SORCS3: variants seen among roughly 807,000 people sequenced by gnomAD.
SORCS3 encodes the protein sortilin related VPS10 domain containing receptor 3.
A neutral mutation model predicts 146.3 loss-of-function variants in SORCS3; 57 were observed. The observed-to-expected ratio is 0.39, with a 90% CI of 0.31 to 0.49. SORCS3 has a LOEUF of 0.49. Ranked by LOEUF, SORCS3 falls within the 20% of genes least tolerant of loss-of-function variation. The pLI is 0.92. For synonymous variants in SORCS3, 653 were observed against 618.5 expected (o/e 1.06, Z -0.83); for missense variants, 1,341 against 1,575.5 (o/e 0.85, Z 2.52).
chr10:104,803,455 C>T (rs533340909), intron 1 of SORCS3, among the ~76,000 whole-genome samples: 1 of 152,172 alleles, frequency 6.6e-6, no homozygotes. Flanking sequence ...GAGCACTGAG[C>T]ATTGGGATTC....
intron 2 of SORCS3, among the ~76,000 whole-genome samples, chr10:104,888,081 G>A (rs61867322): frequency 0.36 from 54,653 of 151,046 alleles, 12,969 homozygotes; most frequent in African/African-American, 0.68. Flanking sequence ...TCTCCCCTTG[G>A]ACCTCTTTTC....
At chr10:104,724,948 G>A (rs2016605829) in intron 1 of SORCS3, among the ~76,000 whole-genome samples, 1 of 152,154 alleles carries the variant, frequency 6.6e-6, no homozygotes, top group Non-Finnish European at 1.5e-5. Flanking sequence ...GGAGTAGTTT[G>A]ATAATCTGAA....
intron 3 of SORCS3, among the ~76,000 whole-genome samples, chr10:104,930,404 C>T (rs1209549434): frequency 1.3e-5 from 2 of 152,140 alleles, no homozygotes; most frequent in Non-Finnish European, 2.9e-5. Flanking sequence ...TACCATGACC[C>T]TCTAGAACAT....
chr10:104,641,964 C>A lies in SORCS3; in HGVS notation c.627+10C>A. The stretch of plus-strand genomic sequence containing the variant: ...GGGACACAACAGCAGCGTGAGTACC[C>A]ACCCGGCGGCGGGTCCGCCTGTTTC... On this transcript the variant is annotated intron_variant, in intron 1 of 26. Coordinates refer to ENST00000369701, the MANE Select transcript of SORCS3 (RefSeq NM_014978.3). The surrounding 1 kb of genome is among the most constrained non-coding windows in gnomAD (Gnocchi z 6.4). 1 of 1,414,190 alleles carries A rather than the reference C, an allele frequency of 7.1e-7. No homozygotes were observed. The highest frequency in any genetic ancestry group is 3.6e-5 in the East Asian group (1 of 28,026). The allele number at this position is 1,414,190 out of a possible 1,614,324, so 87.6% of individuals were successfully genotyped here. A position where few individuals can be genotyped will look rare whatever the true frequency, so the allele number is the denominator to read the frequency against.
At chr10:105,159,626 C>G (rs774816044) in intron 11 of SORCS3, among the ~76,000 whole-genome samples, 20 of 152,164 alleles carry the variant, frequency 1.3e-4, no homozygotes, top group Non-Finnish European at 2.6e-4. Context: ...TACACCTTTT[C>G]AAGAATACAT....
intron 22 of SORCS3, among the ~76,000 whole-genome samples, chr10:105,251,436 A>T (rs563418848): frequency 1.3e-5 from 2 of 152,168 alleles, no homozygotes; most frequent in Non-Finnish European, 2.9e-5. Context: ...CCATATCAGG[A>T]TCTATCTGAG....
At chr10:104,795,004 A>C (rs368412735) in intron 1 of SORCS3, among the ~76,000 whole-genome samples, 28 of 152,316 alleles carry the variant, frequency 1.8e-4, no homozygotes, top group African/African-American at 6.7e-4. Context: ...TATCAGACCC[A>C]GTTTCCCGTT....
chr10:104,801,864 A>G (rs2133510159), intron 1 of SORCS3, among the ~76,000 whole-genome samples: 1 of 152,316 alleles, frequency 6.6e-6, no homozygotes, highest in Non-Finnish European at 1.5e-5. Flanking sequence ...AATTTCTACC[A>G]CTTTTGAAGG....
At chr10:105,080,149 C>A (rs1414448073) in intron 5 of SORCS3, among the ~76,000 whole-genome samples, 1 of 152,192 alleles carries the variant, frequency 6.6e-6, no homozygotes, top group African/African-American at 2.4e-5. Flanking sequence ...CTTCCCACAG[C>A]AGCTGAACTA....
At chr10:104,839,288 G>A (rs1465620008) in intron 1 of SORCS3, among the ~76,000 whole-genome samples, 1 of 152,122 alleles carries the variant, frequency 6.6e-6, no homozygotes, top group African/African-American at 2.4e-5. Flanking sequence ...AGCAAAATAG[G>A]ACTTCACAGG....
chr10:105,006,640 G>T (rs9783122), intron 4 of SORCS3, among the ~76,000 whole-genome samples: 1 of 151,726 alleles, frequency 6.6e-6, no homozygotes, highest in Non-Finnish European at 1.5e-5. Context: ...CACTTCTCTG[G>T]CCTTATCTCT....
In SORCS3 at chr10:105,163,878, G is replaced by GCACACA. The variant is rs1252153357; in HGVS notation, c.1733-421_1733-420insCACACA. 1.1e-3 allele frequency among the ~76,000 whole-genome samples: 124 copies of GCACACA among 112,482 alleles called. 1 individual carries two copies. The highest frequency in any genetic ancestry group is 4.5e-3 in the African/African-American group (120 of 26,626). The allele number at this position is 112,482 out of a possible 152,430, so 73.8% of individuals were successfully genotyped here. On this transcript the variant is annotated intron_variant, in intron 11 of 26. Coordinates refer to ENST00000369701, the MANE Select transcript of SORCS3 (RefSeq NM_014978.3). The stretch of plus-strand genomic sequence containing the variant: ...AACATACACACAGACACACAGTTAC[G>GCACACA]CACATACACACACACACACACACAC...
Position 104,785,743 on chromosome 10 carries a change from T to C in SORCS3, c.628-57049T>C, listed in dbSNP as rs964249450. ...CTGCAGTCTTCTCCATTCAATCCCA[T>C]TCCATCTCAGGGAGGGCAGTGGGGA... On this transcript the variant is annotated intron_variant, in intron 1 of 26. Transcript: ENST00000369701. Among the ~76,000 whole-genome samples, 16 of 152,272 alleles carry C rather than the reference T, an allele frequency of 1.1e-4. No individual in the cohort carries two copies. In the East Asian group the frequency reaches 3.1e-3, roughly 29 times the overall value.
intron 1 of SORCS3, among the ~76,000 whole-genome samples, chr10:104,750,461 TGAA>T (rs1172924509): frequency 6.6e-6 from 1 of 152,172 alleles, no homozygotes; most frequent in African/African-American, 2.4e-5. Flanking sequence ...AAAGTTAACC[TGAA>T]GATAGTGTCC....
intron 7 of SORCS3, among the ~76,000 whole-genome samples, chr10:105,133,329 T>C (rs1252085083): frequency 1.3e-5 from 2 of 152,186 alleles, no homozygotes. Flanking sequence ...CAACAATCTG[T>C]TATTCAGTAA....
chr10:104,649,269 A>AT (rs1328065617), intron 1 of SORCS3, among the ~76,000 whole-genome samples: 1 of 152,154 alleles, frequency 6.6e-6, no homozygotes, highest in Non-Finnish European at 1.5e-5. Flanking sequence ...CTGTTTCTTA[A>AT]TAGCTGTGTG....
chr10:104,860,159 G>A (rs1225249727), intron 2 of SORCS3, among the ~76,000 whole-genome samples: 1 of 117,280 alleles, frequency 8.5e-6, no homozygotes, highest in Non-Finnish European at 1.8e-5. Context: ...GCAAAGACTT[G>A]GAACCAACCC....
intron 1 of SORCS3, among the ~76,000 whole-genome samples, chr10:104,696,689 A>ACGT (rs2016216875): frequency 1.5e-5 from 1 of 66,716 alleles, no homozygotes; most frequent in African/African-American, 5.8e-5. Flanking sequence ...TATAATATAT[A>ACGT]ATATATATTA....
At chr10:104,956,059 C>A (rs931714119) in intron 3 of SORCS3, among the ~76,000 whole-genome samples, 1 of 152,074 alleles carries the variant, frequency 6.6e-6, no homozygotes, top group East Asian at 1.9e-4. Context: ...TAAAAAAGAG[C>A]CTTCCAGGAC....
Sources: allele counts gnomAD v4.1 joint callset (sites outside exome capture counted in the v4.1 genomes callset), GRCh38; gene constraint gnomAD v4.1.1; non-coding constraint Gnocchi (gnomAD v3.1); transcripts MANE v1.5; gene names NCBI Gene and HGNC (gene_info 2026-07-23, HGNC 2026-07-21).